The following NMI variants were observed in gnomAD, a reference collection of about 807,000 sequenced individuals.
NMI encodes N-myc-interactor.
Under a neutral mutation model 34.3 loss-of-function variants are expected in NMI, and 39 were observed. The observed-to-expected ratio is 1.14, with a 90% CI of 0.88 to 1.49. The LOEUF (loss-of-function observed/expected upper bound fraction) is 1.49, where lower values mean the gene tolerates loss of function less well. Among genes scored for constraint, NMI ranks in the 40% most tolerant of loss-of-function variants. NMI has a pLI of 0.00. For missense variants in NMI, 339 were observed against 358.1 expected, an observed-to-expected ratio of 0.95 and a Z score of 0.43; for synonymous variants, 113 against 120.3, an observed-to-expected ratio of 0.94 and a Z score of 0.40.
At chr2:151,285,846 A>G (rs1419703358) in intron 1 of NMI, among the ~76,000 whole-genome samples, 1 of 152,228 alleles carries the variant, frequency 6.6e-6, no homozygotes, top group Non-Finnish European at 1.5e-5. Context: ...TATGATGCCA[A>G]AAAGCAAGGA....
rs1175211337 is a variant in NMI at position 151,271,651 on chromosome 2, G to C, written c.716C>G (p.Thr239Arg). 6 of 1,555,350 alleles carry C rather than the reference G, an allele frequency of 3.9e-6. No individual in the cohort carries two copies. Among genetic ancestry groups the C allele is most frequent in the Middle Eastern group, 1.7e-4 (1 of 5,962 alleles). The change falls in exon 7 of 8, where the codon ACA becomes AGA. Residue 239 changes from threonine (T) to arginine (R), a missense_variant. Thr to Arg is a moderately conservative substitution (Grantham distance 71). Transcript: ENST00000243346. ...CTGATACTTTTTCAAGTGTATTTCTGTGTATGGAGAAACAGTAACTCTATG... is the reference window on the plus strand; with the variant it reads ...CTGATACTTTTTCAAGTGTATTTCTCTGTATGGAGAAACAGTAACTCTATG... Reference protein sequence around the residue: ...TCHRVTVSPYTEIHLKKYQIF... With the variant: ...TCHRVTVSPYREIHLKKYQIF...
chr2:151,275,064 C>T (rs1683266117), intron 6 of NMI, among the ~76,000 whole-genome samples: 1 of 151,814 alleles, frequency 6.6e-6, no homozygotes, highest in Non-Finnish European at 1.5e-5. Context: ...TCACTGCAAC[C>T]TCCACCTCCT....
chr2:151,285,219 G>T (rs115100161), intron 1 of NMI, among the ~76,000 whole-genome samples: 3,377 of 152,238 alleles, frequency 0.022, 134 homozygotes, highest in African/African-American at 0.078. Context: ...TAAATATATG[G>T]AGGATAATAG....
At chr2:151,285,711 G>T (rs1171980500) in intron 1 of NMI, among the ~76,000 whole-genome samples, 1 of 152,150 alleles carries the variant, frequency 6.6e-6, no homozygotes, top group Admixed American at 6.5e-5. Context: ...TGAGCAATGA[G>T]CACACTCAGC....
chr2:151,270,885 A>C lies in NMI; in HGVS notation c.742-10T>G. 1 of 1,587,292 alleles carries C rather than the reference A, an allele frequency of 6.3e-7. No individual in the cohort carries two copies. The highest frequency in any genetic ancestry group is 1.1e-5 in the South Asian group (1 of 89,008). On this transcript the variant is annotated splice_polypyrimidine_tract_variant and intron_variant, in intron 7 of 7. Coordinates refer to ENST00000243346, the MANE Select transcript of NMI (RefSeq NM_004688.3). Reference sequence around the variant, plus strand: ...ATGTTCCTGAAAATATCTAAGAAGGAAAAAATGATAAATAGAAAGATTTCT... The same window carrying C: ...ATGTTCCTGAAAATATCTAAGAAGGCAAAAATGATAAATAGAAAGATTTCT...
At chr2:151,289,123 C>T (rs1683567411) in intron 1 of NMI, 1 of 152,048 alleles carries the variant, frequency 6.6e-6, no homozygotes, top group Non-Finnish European at 1.5e-5. Flanking sequence ...TGGCGGGCGC[C>T]TGTAGTCCCA....
At chr2:151,278,805 A>G in intron 4 of NMI, 23 bp downstream of exon 4, 1 of 1,590,176 alleles carries the variant, frequency 6.3e-7, no homozygotes, top group Non-Finnish European at 8.6e-7. Flanking sequence ...TAACATGGTC[A>G]TATTTTTTAA....
Position 151,274,772 on chromosome 2 carries a change from G to A in NMI, c.634+712C>T, listed in dbSNP as rs142528649. On this transcript the variant is annotated intron_variant, in intron 6 of 7. Transcript: ENST00000243346. ...ATTACAGGCATGAGCCACCGGGCCC[G>A]GCCGAAATGTCTCATTTTTACTAAA... 3.9e-3 allele frequency among the ~76,000 whole-genome samples: 587 copies of A among 151,282 alleles called. 4 individuals carry two copies. The highest frequency in any genetic ancestry group is 0.014 in the African/African-American group (561 of 41,232).
At chr2:151,288,125 C>A (rs1319374523) in intron 1 of NMI, among the ~76,000 whole-genome samples, 1 of 152,166 alleles carries the variant, frequency 6.6e-6, no homozygotes, top group African/African-American at 2.4e-5. Context: ...GTAGGCAAAA[C>A]AATGGCTCCC....
chr2:151,279,449 G>T (rs1243117256), intron 3 of NMI, among the ~76,000 whole-genome samples: 1 of 152,044 alleles, frequency 6.6e-6, no homozygotes, highest in African/African-American at 2.4e-5. Context: ...CATCCAAAAA[G>T]AAAGACTCTA....
At chr2:151,273,981 T>C (rs965692750) in intron 6 of NMI, among the ~76,000 whole-genome samples, 1 of 152,068 alleles carries the variant, frequency 6.6e-6, no homozygotes, top group Non-Finnish European at 1.5e-5. Flanking sequence ...CAAGACCCCT[T>C]CCTTTTATAG....
rs1573742778 is a variant in NMI, at chr2:151,275,496, C to T, written c.622G>A (p.Val208Met). The change falls in exon 6 of 8, where the codon GTG (valine) becomes ATG (methionine). Residue 208 changes from valine to methionine, a missense_variant. By Grantham distance (21) the Val-to-Met change is conservative (BLOSUM62 1). Coordinates refer to ENST00000243346, the MANE Select transcript of NMI (RefSeq NM_004688.3). ...CACCCTTGAGTACCTCCAATCTCCA[C>T]AAACGTGATGACTGCACTCCCGGAC... ...RQSGSAVITF[V>M]EIGVADKILK... 1 of 1,613,708 alleles carries T rather than the reference C, an allele frequency of 6.2e-7. No homozygotes were observed. The highest frequency in any genetic ancestry group is 1.3e-5 in the African/African-American group (1 of 74,922).
At position 151,275,839 on chromosome 2, in the gene NMI, A is replaced by T. The variant is rs201232029; in HGVS notation, c.366T>A (p.Ser122Arg). The T allele has an allele frequency of 6.2e-7, 1 of 1,602,016 alleles. No individual in the cohort carries two copies. ...CATCTTTTATCTGTACATGATGTTT[A>T]CTCATGCTTACCACATTTTGAGCAA... is the stretch of plus-strand genomic sequence containing the variant. ...EEVAQNVVSM[S>R]KHHVQIKDVN... Residue 122 changes from serine to arginine, a missense_variant, in exon 5 of 8, where the codon AGT (serine) becomes AGA (arginine). Physicochemically the swap from Ser to Arg is moderately radical, Grantham distance 110. Transcript: ENST00000243346.
intron 6 of NMI, 117 bp downstream of exon 6, chr2:151,275,367 C>T: frequency 1.1e-6 from 1 of 918,012 alleles, no homozygotes; most frequent in Non-Finnish European, 1.6e-6. Context: ...TTTTAAAATC[C>T]CCAATTATCA....
intron 2 of NMI, 72 bp from the exon 3 acceptor site, chr2:151,282,115 T>G: frequency 1.4e-6 from 1 of 692,322 alleles, no homozygotes; most frequent in Non-Finnish European, 2.5e-6. Flanking sequence ...AACTAAAGAC[T>G]ATAAATTTCT....
intron 4 of NMI, among the ~76,000 whole-genome samples, chr2:151,276,794 T>C (rs1442095203): frequency 6.6e-6 from 1 of 152,244 alleles, no homozygotes; most frequent in Non-Finnish European, 1.5e-5. Flanking sequence ...TTTTTGGTCA[T>C]ACTTAATGAC....
At chr2:151,282,342 A>G (rs1683422236) in intron 2 of NMI, among the ~76,000 whole-genome samples, 1 of 152,252 alleles carries the variant, frequency 6.6e-6, no homozygotes, top group Non-Finnish European at 1.5e-5. Context: ...TCTTCTGAAT[A>G]TTACTTCAGT....
chr2:151,276,861 T>C (rs1683300450), intron 4 of NMI, among the ~76,000 whole-genome samples: 1 of 152,236 alleles, frequency 6.6e-6, no homozygotes, highest in Non-Finnish European at 1.5e-5. Context: ...TTGATAGTCC[T>C]GCTATATTGA....
At chr2:151,288,339 T>G (rs996729005) in intron 1 of NMI, among the ~76,000 whole-genome samples, 1 of 151,732 alleles carries the variant, frequency 6.6e-6, no homozygotes, top group Admixed American at 6.6e-5. Flanking sequence ...GAGTCAAGAG[T>G]GAAATGTGAC....
Sources: allele counts gnomAD v4.1 joint callset (sites outside exome capture counted in the v4.1 genomes callset), GRCh38; gene constraint gnomAD v4.1.1; transcripts MANE v1.5; gene names NCBI Gene and HGNC (gene_info 2026-07-23, HGNC 2026-07-21).